Variants in REPS1 observed in about 807,000 individuals in gnomAD.
The protein encoded by REPS1 is RALBP1 associated Eps domain containing 1, also known as ralBP1-associated Eps domain-containing protein 1.
In REPS1, 39 loss-of-function variants were observed where a neutral mutation model predicts 100.9. The observed-to-expected ratio is 0.39, with a 90% CI of 0.30 to 0.50. The LOEUF (loss-of-function observed/expected upper bound fraction) is 0.50, where lower values mean the gene tolerates loss of function less well. Among genes scored for constraint, REPS1 ranks in the 20% least tolerant of loss-of-function variants. The pLI is 0.86. For missense variants in REPS1, 821 were observed against 968.5 expected (o/e 0.85, Z 2.02); for synonymous variants, 324 against 340.3 (o/e 0.95, Z 0.53).
chr6:138,951,184 A>C (rs913732456), intron 1 of REPS1: 3 of 152,372 alleles, frequency 2.0e-5, no homozygotes, highest in Admixed American at 6.6e-5. Flanking sequence ...GGGAAACTCC[A>C]TCTCAAAAAA....
intron 18 of REPS1, among the ~76,000 whole-genome samples, chr6:138,908,057 C>T (rs1779778187): frequency 6.6e-6 from 1 of 152,126 alleles, no homozygotes; most frequent in Non-Finnish European, 1.5e-5. Context: ...GAATTTGGCC[C>T]ATTAAGACTT....
intron 1 of REPS1, among the ~76,000 whole-genome samples, chr6:138,960,016 G>A (rs376320502): frequency 3.3e-5 from 5 of 152,162 alleles, no homozygotes; most frequent in African/African-American, 1.2e-4. Flanking sequence ...TGCTTATGGA[G>A]TAGTAGTTTC....
intron 19 of REPS1, among the ~76,000 whole-genome samples, chr6:138,907,194 G>A (rs1200464452): frequency 6.6e-6 from 1 of 152,056 alleles, no homozygotes. Context: ...CTAGGACCTG[G>A]GTGCAGTGGC....
chr6:138,917,395 C>G (rs1780471420), intron 13 of REPS1, among the ~76,000 whole-genome samples, 160 bp downstream of exon 13: 1 of 152,146 alleles, frequency 6.6e-6, no homozygotes, highest in African/African-American at 2.4e-5. Flanking sequence ...TTTTTCTATT[C>G]AAGTTGGAAA....
At chr6:138,982,378 C>T (rs1341492205) in intron 1 of REPS1, among the ~76,000 whole-genome samples, 1 of 152,208 alleles carries the variant, frequency 6.6e-6, no homozygotes, top group Non-Finnish European at 1.5e-5. Flanking sequence ...TAACAGGGTA[C>T]ATTGCTTACA....
intron 1 of REPS1, among the ~76,000 whole-genome samples, 153 bp downstream of exon 1, chr6:138,987,377 G>A (rs1297989644): frequency 6.6e-6 from 1 of 152,130 alleles, no homozygotes; most frequent in African/African-American, 2.4e-5. Context: ...CGCGAGTCCA[G>A]GCCTCCCGGG....
At chr6:138,920,411 A>G in intron 11 of REPS1, 95 bp from the exon 12 acceptor site, 6 of 533,614 alleles carry the variant, frequency 1.1e-5, no homozygotes, top group Non-Finnish European at 2.0e-5. Flanking sequence ...TAAATATCCA[A>G]AGAAGTGGCA....
intron 1 of REPS1, among the ~76,000 whole-genome samples, chr6:138,976,988 T>C (rs891745793): frequency 6.6e-6 from 1 of 152,210 alleles, no homozygotes; most frequent in Admixed American, 6.5e-5. Context: ...ATGTAAGCAG[T>C]ACACAGTCCT....
At position 138,978,254 on chromosome 6, in the gene REPS1, A is replaced by G. The variant is rs370230469; in HGVS notation, c.153+9276T>C. 2.0e-5 allele frequency among the ~76,000 whole-genome samples: 3 copies of G among 151,742 alleles called. 1 individual carries two copies. On this transcript the variant is annotated intron_variant, in intron 1 of 19. Coordinates refer to ENST00000450536, the MANE Select transcript of REPS1 (RefSeq NM_001286611.2). Reference sequence around the variant, plus strand: ...CTTCTCAATTGTAAAAGTTTTAAAAATATTTAATAAAGCCCAATTATTTGT... The same window carrying G: ...CTTCTCAATTGTAAAAGTTTTAAAAGTATTTAATAAAGCCCAATTATTTGT...
At chr6:138,924,486 C>T (rs1780975817) in intron 10 of REPS1, among the ~76,000 whole-genome samples, 1 of 152,142 alleles carries the variant, frequency 6.6e-6, no homozygotes, top group Admixed American at 6.6e-5. Flanking sequence ...ATTTATTTCG[C>T]TTCTGAGTTC....
At chr6:138,960,596 T>G (rs774661881) in intron 1 of REPS1, among the ~76,000 whole-genome samples, 1 of 152,178 alleles carries the variant, frequency 6.6e-6, no homozygotes, top group Non-Finnish European at 1.5e-5. Context: ...TGCCTTTGTA[T>G]TCAATTTATT....
chr6:138,909,821 G>C (rs1232838162), intron 17 of REPS1, among the ~76,000 whole-genome samples: 1 of 151,966 alleles, frequency 6.6e-6, no homozygotes, highest in South Asian at 2.1e-4. Context: ...ATAAATTACC[G>C]TCTCAGGTGG....
At chr6:138,985,775 G>A (rs1277651642) in intron 1 of REPS1, among the ~76,000 whole-genome samples, 1 of 152,174 alleles carries the variant, frequency 6.6e-6, no homozygotes, top group Admixed American at 6.5e-5. Flanking sequence ...AATTAAACAT[G>A]TTTGAAGTAA....
intron 7 of REPS1, among the ~76,000 whole-genome samples, chr6:138,942,046 T>C (rs953783806): frequency 1.3e-5 from 2 of 152,142 alleles, no homozygotes; most frequent in South Asian, 4.1e-4. Context: ...GCCTGGCTAA[T>C]TTTGGCCAGG....
At chr6:138,955,807 T>C (rs1042412787) in intron 1 of REPS1, among the ~76,000 whole-genome samples, 2 of 152,192 alleles carry the variant, frequency 1.3e-5, no homozygotes, top group African/African-American at 4.8e-5. Context: ...AGCAAGAACC[T>C]AACTTTACTG....
chr6:138,958,546 T>C (rs73563030), intron 1 of REPS1, among the ~76,000 whole-genome samples: 10,624 of 152,160 alleles, frequency 0.07, 702 homozygotes, highest in East Asian at 0.21. Context: ...CCTCCCTGTG[T>C]CTATGTGTTC....
Position 138,920,962 on chromosome 6 carries a change from T to C in REPS1, c.1426+75A>G. ...TTAAAAAATAAGCGATGAAAGAAATTTGAACCTTGACAGAATAATTACATA... is the reference window on the plus strand; with the variant it reads ...TTAAAAAATAAGCGATGAAAGAAATCTGAACCTTGACAGAATAATTACATA... On this transcript the variant is annotated intron_variant, in intron 11 of 19. Coordinates refer to ENST00000450536, the MANE Select transcript of REPS1 (RefSeq NM_001286611.2). 31 of 1,066,016 alleles carry C rather than the reference T, an allele frequency of 2.9e-5. No homozygotes were observed. In the South Asian group the frequency reaches 4.0e-4, roughly 14 times the overall value. The allele number at this position is 1,066,016 out of a possible 1,614,324, so 66.0% of individuals were successfully genotyped here. A position where few individuals can be genotyped will look rare whatever the true frequency, so the allele number is the denominator to read the frequency against.
rs1203579861 is a variant in REPS1, at chr6:138,917,536, C to G, written c.1601+19G>C. On this transcript the variant is annotated intron_variant, in intron 13 of 19. Coordinates refer to ENST00000450536, the MANE Select transcript of REPS1 (RefSeq NM_001286611.2). ...CAGCAAGATAGTTTAACATGCTTTT[C>G]ATTGACAGAAATACTGACCTTTGAC... 46 of 1,586,546 alleles carry G rather than the reference C, an allele frequency of 2.9e-5. No individual in the cohort carries two copies. The Admixed American group carries it at 7.2e-4, about 25-fold the overall frequency.
chr6:138,971,329 T>C (rs367996005), intron 1 of REPS1, among the ~76,000 whole-genome samples: 4 of 152,218 alleles, frequency 2.6e-5, no homozygotes, highest in Non-Finnish European at 5.9e-5. Context: ...CATGTCTCAG[T>C]GGACTGTGCT....
Sources: gnomAD v4.1 joint callset for allele counts (sites outside exome capture counted in the v4.1 genomes callset) on GRCh38, gnomAD v4.1.1 for gene constraint, MANE v1.5 for transcripts, NCBI Gene and HGNC (gene_info 2026-07-23, HGNC 2026-07-21) for gene names.